The following GABRA3 variants were observed in gnomAD, a reference collection of about 807,000 sequenced individuals.
The protein encoded by GABRA3 is gamma-aminobutyric acid receptor subunit alpha-3.
A neutral mutation model predicts 30.1 loss-of-function variants in GABRA3; 10 were observed. That is an observed-to-expected ratio of 0.33 (90% confidence interval 0.20 to 0.56). The LOEUF is 0.56. Ranked by LOEUF, GABRA3 falls within the 20% of genes least tolerant of loss-of-function variation. The pLI is 0.89. For synonymous variants in GABRA3, 151 were observed against 146.8 expected (o/e 1.03, Z -0.21); for missense variants, 233 against 392.0 (o/e 0.59, Z 3.42).
At chrX:152,237,084 G>C (rs1405854393) in intron 5 of GABRA3, among the ~76,000 whole-genome samples, 339 of 110,384 alleles carry the variant, frequency 3.1e-3, no homozygotes, top group Admixed American at 4.9e-3. Flanking sequence ...CCTATGTCCT[G>C]AATGGTATTG....
intron 1 of GABRA3, among the ~76,000 whole-genome samples, chrX:152,430,741 T>C (rs887029085): frequency 1.1e-3 from 122 of 111,743 alleles, no homozygotes; most frequent in African/African-American, 3.7e-3. Context: ...ATACGGGAAA[T>C]GCAAAACTCT....
At chrX:152,419,709 A>G (rs1176606036) in intron 1 of GABRA3, among the ~76,000 whole-genome samples, 1 of 111,591 alleles carries the variant, frequency 9.0e-6, no homozygotes, top group Non-Finnish European at 1.9e-5. Context: ...TCAGTCTTAC[A>G]TAATATCTTC....
intron 5 of GABRA3, among the ~76,000 whole-genome samples, chrX:152,230,903 G>A (rs866030119): frequency 9.1e-6 from 1 of 109,947 alleles, no homozygotes; most frequent in Non-Finnish European, 1.9e-5. Context: ...AGATTTCTTA[G>A]GTGTGACACC....
intron 5 of GABRA3, among the ~76,000 whole-genome samples, chrX:152,232,684 T>C (rs1346821646): frequency 2.8e-5 from 3 of 107,716 alleles, no homozygotes; most frequent in South Asian, 7.9e-4. Context: ...TATATATATA[T>C]ACATATATAT....
At chrX:152,405,412 G>T in intron 1 of GABRA3, among the ~76,000 whole-genome samples, 1 of 108,988 alleles carries the variant, frequency 9.2e-6, no homozygotes, top group Non-Finnish European at 1.9e-5. Flanking sequence ...AGGGCACAAA[G>T]ACTGCAGGCC....
chrX:152,199,919 T>C (rs1013781767), intron 7 of GABRA3, among the ~76,000 whole-genome samples: 2 of 111,323 alleles, frequency 1.8e-5, no homozygotes, highest in Non-Finnish European at 3.8e-5. Flanking sequence ...ATTTCCATAA[T>C]TTGACCACTT....
chrX:152,409,389 T>G (rs1930013775), intron 1 of GABRA3, among the ~76,000 whole-genome samples: 1 of 110,932 alleles, frequency 9.0e-6, no homozygotes, highest in South Asian at 3.8e-4. Context: ...GGTTAAAAAC[T>G]TAAATCTAAG....
intron 7 of GABRA3, among the ~76,000 whole-genome samples, chrX:152,200,621 G>C (rs1937471405): frequency 9.0e-6 from 1 of 110,598 alleles, no homozygotes; most frequent in African/African-American, 3.3e-5. Flanking sequence ...TGTTTTTCAT[G>C]AGAGTTGGAC....
intron 4 of GABRA3, among the ~76,000 whole-genome samples, chrX:152,282,922 G>A (rs1319332413): frequency 2.7e-5 from 3 of 111,986 alleles, no homozygotes; most frequent in African/African-American, 6.5e-5. Flanking sequence ...GAGTGAGTGA[G>A]TGTATGTGTG....
chrX:152,355,425 C>A (rs1940535532), intron 2 of GABRA3, among the ~76,000 whole-genome samples: 1 of 111,364 alleles, frequency 9.0e-6, no homozygotes, highest in African/African-American at 3.3e-5. Context: ...GACGAAAAGA[C>A]TGGGCATGTA....
intron 1 of GABRA3, among the ~76,000 whole-genome samples, chrX:152,375,675 A>G (rs1928976707): frequency 8.9e-6 from 1 of 112,243 alleles, no homozygotes; most frequent in African/African-American, 3.2e-5. Context: ...TCCACAAACA[A>G]TCTGTTTTGT....
At chrX:152,213,616 CAA>C (rs1324949510) in intron 6 of GABRA3, among the ~76,000 whole-genome samples, 1 of 111,732 alleles carries the variant, frequency 8.9e-6, no homozygotes, top group Non-Finnish European at 1.9e-5. Context: ...CCAGCAAATG[CAA>C]AGTCTTCTAC....
chrX:152,236,116 G>T (rs1412954371), intron 5 of GABRA3, among the ~76,000 whole-genome samples: 1 of 90,289 alleles, frequency 1.1e-5, no homozygotes, highest in Non-Finnish European at 2.2e-5. Context: ...CTAGCATTAG[G>T]TATATCTCCC....
At chrX:152,297,328 A>C (rs1224002723) in intron 3 of GABRA3, among the ~76,000 whole-genome samples, 1 of 112,129 alleles carries the variant, frequency 8.9e-6, no homozygotes, top group Non-Finnish European at 1.9e-5. Flanking sequence ...GGCCCTACAA[A>C]AGCACTGATT....
intron 1 of GABRA3, among the ~76,000 whole-genome samples, chrX:152,443,169 C>T (rs1016181986): frequency 1.8e-5 from 2 of 111,327 alleles, no homozygotes; most frequent in Non-Finnish European, 3.8e-5. Context: ...AATGTAAGTT[C>T]TTAATGGAAC....
intron 3 of GABRA3, among the ~76,000 whole-genome samples, chrX:152,286,045 G>T (rs1409011265): frequency 9.9e-6 from 1 of 100,836 alleles, no homozygotes; most frequent in African/African-American, 3.8e-5. Flanking sequence ...GAAGTTTATA[G>T]TATATAAATA....
chrX:152,385,356 C>A (rs931585211), intron 1 of GABRA3, among the ~76,000 whole-genome samples: 1 of 111,958 alleles, frequency 8.9e-6, no homozygotes, highest in African/African-American at 3.2e-5. Context: ...TGGAAACAAT[C>A]TGAAGGTCTA....
intron 1 of GABRA3, among the ~76,000 whole-genome samples, chrX:152,420,127 T>G (rs1460307557): frequency 9.0e-6 from 1 of 111,541 alleles, no homozygotes; most frequent in Non-Finnish European, 1.9e-5. Flanking sequence ...AACTTCTTAA[T>G]CTGATAAAGG....
At chrX:152,312,291 T>C (rs1010047055) in intron 3 of GABRA3, among the ~76,000 whole-genome samples, 1 of 111,771 alleles carries the variant, frequency 8.9e-6, no homozygotes, top group African/African-American at 3.2e-5. Flanking sequence ...AACAGACACA[T>C]AGACCAATAG....
Sources: allele counts gnomAD v4.1 joint callset (sites outside exome capture counted in the v4.1 genomes callset), GRCh38; gene constraint gnomAD v4.1.1; transcripts MANE v1.5; gene names NCBI Gene and HGNC (gene_info 2026-07-23, HGNC 2026-07-21).